The following NXN variants were observed in gnomAD, a reference collection of about 807,000 sequenced individuals.
NXN encodes nucleoredoxin 1.
Under a neutral mutation model 48.6 loss-of-function variants are expected in NXN, and 16 were observed. The observed-to-expected ratio is 0.33, with a 90% CI of 0.22 to 0.50. The LOEUF (loss-of-function observed/expected upper bound fraction) is 0.50. Ranked by LOEUF, NXN falls within the 20% of genes least tolerant of loss-of-function variation. NXN has a pLI of 0.98. For missense variants in NXN, 492 were observed against 605.5 expected, an observed-to-expected ratio of 0.81 and a Z score of 1.97; for synonymous variants, 281 against 269.6, an observed-to-expected ratio of 1.04 and a Z score of -0.41.
chr17:975,425 T>C (rs1359474510), intron 1 of NXN, among the ~76,000 whole-genome samples: 1 of 152,148 alleles, frequency 6.6e-6, no homozygotes, highest in African/African-American at 2.4e-5. Context: ...GTCCCACCCA[T>C]AGGGCCAAAG....
chr17:973,018 G>A (rs1047181630), intron 1 of NXN, among the ~76,000 whole-genome samples: 5 of 149,584 alleles, frequency 3.3e-5, no homozygotes, highest in African/African-American at 7.4e-5. Context: ...GCGACAGAGC[G>A]AGACTGCGTC....
chr17:821,981 G>A (rs1912843544), intron 4 of NXN, among the ~76,000 whole-genome samples: 1 of 151,854 alleles, frequency 6.6e-6, no homozygotes, highest in Non-Finnish European at 1.5e-5. Context: ...CCCTTCAGAC[G>A]ATTAAAGGAG....
In NXN at chr17:881,427, A is replaced by G. The variant is rs151142172; in HGVS notation, c.361-55349T>C. Among the ~76,000 whole-genome samples, 1,085 of 152,250 alleles carry G rather than the reference A, an allele frequency of 7.1e-3. 11 individuals carry two copies. Among genetic ancestry groups the G allele is most frequent in the African/African-American group, 0.024 (1,000 of 41,546 alleles). Reference sequence around the variant, plus strand: ...TTTTCCATTGAGACGGGGTTTCGCCATGTTGCTCAGGCTAGTCTCAAACTC... The same window carrying G: ...TTTTCCATTGAGACGGGGTTTCGCCGTGTTGCTCAGGCTAGTCTCAAACTC... On this transcript the variant is annotated intron_variant, in intron 1 of 7. Transcript: ENST00000336868.
intron 1 of NXN, among the ~76,000 whole-genome samples, chr17:843,455 C>G (rs1175405716): frequency 6.6e-6 from 1 of 152,220 alleles, no homozygotes; most frequent in Non-Finnish European, 1.5e-5. Context: ...CTCTCGCAAG[C>G]TGACAGAAGG....
At chr17:878,524 C>G (rs1487229877) in intron 1 of NXN, among the ~76,000 whole-genome samples, 1 of 38,538 alleles carries the variant, frequency 2.6e-5, no homozygotes, top group Admixed American at 3.6e-4. Flanking sequence ...GGTTTGGGGG[C>G]AGGGGAGGGG....
chr17:818,880 G>A (rs565224439), intron 5 of NXN, among the ~76,000 whole-genome samples: 16 of 143,434 alleles, frequency 1.1e-4, no homozygotes, highest in Non-Finnish European at 1.9e-4. Context: ...GTGAGACTCC[G>A]TCTCAAAAAA....
chr17:887,436 C>T (rs143686067), intron 1 of NXN, among the ~76,000 whole-genome samples: 9 of 152,256 alleles, frequency 5.9e-5, no homozygotes, highest in African/African-American at 2.2e-4. Context: ...TTCATATGCT[C>T]GTCACCAAAG....
intron 1 of NXN, among the ~76,000 whole-genome samples, chr17:972,172 T>TGG (rs2069390986): frequency 6.6e-6 from 1 of 151,750 alleles, no homozygotes; most frequent in African/African-American, 2.4e-5. Flanking sequence ...TGGTGGCACA[T>TGG]GCGCCTATAA....
At chr17:876,259 A>AAAG in intron 1 of NXN, among the ~76,000 whole-genome samples, 1 of 152,220 alleles carries the variant, frequency 6.6e-6, no homozygotes, top group South Asian at 2.1e-4. Flanking sequence ...GAAGAAAAGA[A>AAAG]AAGAAAAGAA....
rs1320692934 is a variant in NXN at position 958,693 on chromosome 17, C to A, written c.360+20626G>T. On this transcript the variant is annotated intron_variant, in intron 1 of 7. Transcript: ENST00000336868. This position sits in a 1 kb window ranked among gnomAD's most constrained non-coding sequence, Gnocchi z 6.9. Reference sequence around the variant, plus strand: ...GGCTGAGGCAGGAGAATCACCGAGGCGGAGGTAGAAGTGAGCCCAGATTGT... The same window carrying A: ...GGCTGAGGCAGGAGAATCACCGAGGAGGAGGTAGAAGTGAGCCCAGATTGT... 3.9e-5 allele frequency among the ~76,000 whole-genome samples: 6 copies of A among 152,012 alleles called. No homozygotes were observed. Among genetic ancestry groups the A allele is most frequent in the African/African-American group, 1.4e-4 (6 of 41,388 alleles).
intron 1 of NXN, among the ~76,000 whole-genome samples, chr17:863,159 C>T (rs59422776): frequency 0.016 from 2,503 of 152,044 alleles, 28 homozygotes; most frequent in East Asian, 0.036. Context: ...TCACATCCTG[C>T]GAATACTGTT....
rs1469543835 is a variant in NXN at position 820,944 on chromosome 17, A to C, written c.714-1399T>G. Reference sequence around the variant, plus strand: ...ACCTAAAAAAAAAAAAAAAAACAAAAAAAAAAACTGACTGCTGCACCTGGC... The same window carrying C: ...ACCTAAAAAAAAAAAAAAAAACAAACAAAAAAACTGACTGCTGCACCTGGC... On this transcript the variant is annotated intron_variant, in intron 4 of 7. Coordinates refer to ENST00000336868, the MANE Select transcript of NXN (RefSeq NM_022463.5). Among the ~76,000 whole-genome samples, 2 of 71,188 alleles carry C rather than the reference A, an allele frequency of 2.8e-5. 1 individual carries two copies. The highest frequency in any genetic ancestry group is 5.2e-5 in the Non-Finnish European group (2 of 38,732). 46.7% of individuals were successfully genotyped at this position (71,188 alleles called of 152,430 possible).
intron 1 of NXN, chr17:959,052 T>A (rs1442395170): frequency 4.0e-5 from 11 of 278,152 alleles, no homozygotes; most frequent in South Asian, 2.0e-4. Context: ...CGCGGTGTGG[T>A]CACTGATGAG....
At chr17:850,230 ATTC>A (rs1230000130) in intron 1 of NXN, among the ~76,000 whole-genome samples, 2 of 152,190 alleles carry the variant, frequency 1.3e-5, no homozygotes, top group African/African-American at 2.4e-5. Flanking sequence ...CTCACGGATC[ATTC>A]TTCTGTCTTC....
intron 1 of NXN, among the ~76,000 whole-genome samples, chr17:916,431 T>C (rs1221550034): frequency 6.6e-6 from 1 of 152,166 alleles, no homozygotes; most frequent in Admixed American, 6.5e-5. Context: ...ACGTATGACA[T>C]TTCAAAGTTA....
chr17:844,586 T>G (rs757096117), intron 1 of NXN, among the ~76,000 whole-genome samples: 1 of 150,258 alleles, frequency 6.7e-6, no homozygotes. Flanking sequence ...TTTTCTTTTC[T>G]TTTTTTTCTT....
chr17:929,591 C>T (rs1425990051), intron 1 of NXN: 1 of 152,230 alleles, frequency 6.6e-6, no homozygotes, highest in Non-Finnish European at 1.5e-5. Flanking sequence ...AACCAGCTAA[C>T]AGGAACTAAA....
At chr17:836,607 G>C (rs1913837734) in intron 1 of NXN, among the ~76,000 whole-genome samples, 1 of 152,166 alleles carries the variant, frequency 6.6e-6, no homozygotes, top group Non-Finnish European at 1.5e-5. Context: ...CGGCTCCAGA[G>C]CCCGGCTCTT....
intron 1 of NXN, among the ~76,000 whole-genome samples, chr17:923,131 T>A (rs1266326318): frequency 6.6e-6 from 1 of 152,088 alleles, no homozygotes; most frequent in Non-Finnish European, 1.5e-5. Flanking sequence ...AGGACTTCTC[T>A]TTGCCTTAGG....
Sources: allele counts gnomAD v4.1 joint callset (sites outside exome capture counted in the v4.1 genomes callset), GRCh38; gene constraint gnomAD v4.1.1; non-coding constraint Gnocchi (gnomAD v3.1); transcripts MANE v1.5; gene names NCBI Gene and HGNC (gene_info 2026-07-23, HGNC 2026-07-21).